The following RBFOX1 variants were observed in gnomAD, a reference collection of about 807,000 sequenced individuals.
RBFOX1 encodes the protein RNA binding fox-1 homolog 1.
A neutral mutation model predicts 57.7 loss-of-function variants in RBFOX1; 8 were observed. The ratio of observed to expected loss-of-function variants is 0.14; its 90% CI spans 0.08 to 0.25. The LOEUF is 0.25. Among genes scored for constraint, RBFOX1 ranks in the 10% least tolerant of loss-of-function variants. RBFOX1 has a pLI of 1.00. For synonymous variants in RBFOX1, 326 were observed against 222.4 expected (o/e 1.47, Z -4.15); for missense variants, 611 against 548.5 (o/e 1.11, Z -1.14).
chr16:7,187,602 T>C (rs1017239511), intron 4 of RBFOX1, among the ~76,000 whole-genome samples: 14 of 141,624 alleles, frequency 9.9e-5, no homozygotes, highest in African/African-American at 3.7e-4. Context: ...GGCAGGAGAA[T>C]GGTGTGAACC....
At chr16:7,411,327 C>A (rs2098422861) in intron 4 of RBFOX1, among the ~76,000 whole-genome samples, 2 of 152,110 alleles carry the variant, frequency 1.3e-5, no homozygotes, top group South Asian at 4.1e-4. Flanking sequence ...TCATCCTCCT[C>A]AGTTTAGCCA....
intron 1 of RBFOX1, among the ~76,000 whole-genome samples, chr16:6,039,284 T>C (rs979897473): frequency 6.5e-4 from 98 of 150,154 alleles, no homozygotes; most frequent in African/African-American, 2.3e-3. Context: ...CTTAGATGAA[T>C]TGCAGTTGGA....
intron 1 of RBFOX1, among the ~76,000 whole-genome samples, chr16:6,067,935 G>C (rs2095788204): frequency 6.6e-6 from 1 of 152,148 alleles, no homozygotes; most frequent in African/African-American, 2.4e-5. Context: ...CCAATAACTT[G>C]AACAGTATCC....
chr16:7,343,019 G>C (rs770973702), intron 4 of RBFOX1, among the ~76,000 whole-genome samples: 12 of 152,158 alleles, frequency 7.9e-5, no homozygotes, highest in Non-Finnish European at 1.8e-4. Context: ...TGGGTTGCAG[G>C]ACGGGGAGGG....
chr16:5,462,005 A>T lies in RBFOX1; in HGVS notation c.220-5211A>T, dbSNP rs1185254058. On this transcript the variant is annotated intron_variant, in intron 1 of 2. Transcript: ENST00000585867. ...CCTGGTTGCCCACCAGAAAGGTGGCACCAATTTCCACTCCCACCAGTGGTG... is the reference window on the plus strand; with the variant it reads ...CCTGGTTGCCCACCAGAAAGGTGGCTCCAATTTCCACTCCCACCAGTGGTG... Among the ~76,000 whole-genome samples, 3 of 152,158 alleles carry T rather than the reference A, an allele frequency of 2.0e-5. No individual in the cohort carries two copies. The East Asian group carries it at 5.8e-4, about 29-fold the overall frequency.
chr16:6,467,264 GCTTA>G (rs1220330835), intron 2 of RBFOX1, among the ~76,000 whole-genome samples: 1 of 151,342 alleles, frequency 6.6e-6, no homozygotes, highest in Non-Finnish European at 1.5e-5. Flanking sequence ...GTAATATAAA[GCTTA>G]CTTAATCCAT....
At chr16:6,281,373 A>G (rs1350005524) in intron 1 of RBFOX1, among the ~76,000 whole-genome samples, 2 of 152,134 alleles carry the variant, frequency 1.3e-5, no homozygotes, top group African/African-American at 4.8e-5. Flanking sequence ...GCATAGAAGT[A>G]GGGGACAGCC....
intron 3 of RBFOX1, among the ~76,000 whole-genome samples, chr16:6,873,128 T>C (rs987652325): frequency 4.7e-5 from 7 of 149,710 alleles, no homozygotes; most frequent in African/African-American, 1.7e-4. Flanking sequence ...TTTCTATGCA[T>C]TGGAAAAAAA....
chr16:6,241,018 G>A lies in RBFOX1; in HGVS notation c.-126-75977G>A, dbSNP rs13336322. On this transcript the variant is annotated intron_variant, in intron 1 of 15. Coordinates refer to ENST00000550418, the MANE Select transcript of RBFOX1 (RefSeq NM_018723.4). The stretch of plus-strand genomic sequence containing the variant: ...GACCACCTCCTCTGATCAATACTTC[G>A]CATTCATAATAAGGTGTATTGATGT... Among the ~76,000 whole-genome samples the A allele has an allele frequency of 4.1e-4, 62 of 151,942 alleles. No homozygotes were observed. In the East Asian group the frequency reaches 6.4e-3, roughly 16 times the overall value.
At chr16:5,689,817 G>T (rs202089055) in intron 3 of RBFOX1, among the ~76,000 whole-genome samples, 1 of 140,340 alleles carries the variant, frequency 7.1e-6, no homozygotes, top group East Asian at 2.2e-4. Context: ...AAAAAAAAAA[G>T]AAGGAACACA....
At chr16:6,590,435 T>C (rs957890457) in intron 2 of RBFOX1, among the ~76,000 whole-genome samples, 2 of 152,188 alleles carry the variant, frequency 1.3e-5, no homozygotes, top group African/African-American at 4.8e-5. Flanking sequence ...GTAGGTGGTA[T>C]AGAATTCCAT....
intron 2 of RBFOX1, among the ~76,000 whole-genome samples, chr16:6,572,981 C>T (rs1228409940): frequency 6.6e-6 from 1 of 152,166 alleles, no homozygotes; most frequent in African/African-American, 2.4e-5. Context: ...CCCTCGGGGA[C>T]CTTGAACTCA....
At chr16:7,214,735 C>G (rs1389672373) in intron 4 of RBFOX1, among the ~76,000 whole-genome samples, 5 of 152,092 alleles carry the variant, frequency 3.3e-5, no homozygotes, top group East Asian at 1.9e-4. Flanking sequence ...TTTTTGCTCT[C>G]CAGCCTAATT....
intron 3 of RBFOX1, among the ~76,000 whole-genome samples, chr16:6,977,354 T>G (rs1045159707): frequency 9.2e-5 from 14 of 152,100 alleles, no homozygotes; most frequent in African/African-American, 2.9e-4. Context: ...AAATTAGGAA[T>G]GCCTTTGTTC....
At chr16:7,027,929 A>C (rs1003548545) in intron 3 of RBFOX1, among the ~76,000 whole-genome samples, 6 of 151,696 alleles carry the variant, frequency 4.0e-5, no homozygotes, top group African/African-American at 1.5e-4. Context: ...GGAAAAGAGA[A>C]GGAAGGAGGG....
chr16:6,642,579 C>G (rs926606272), intron 2 of RBFOX1, among the ~76,000 whole-genome samples: 1 of 151,846 alleles, frequency 6.6e-6, no homozygotes, highest in Non-Finnish European at 1.5e-5. Context: ...GCCTCTTGTC[C>G]TCTCATAACC....
At chr16:5,389,742 G>A (rs1387889866) in intron 1 of RBFOX1, among the ~76,000 whole-genome samples, 1 of 151,510 alleles carries the variant, frequency 6.6e-6, no homozygotes, top group African/African-American at 2.4e-5. Context: ...CTGTTGCCCA[G>A]GCTGGAGTGC....
intron 7 of RBFOX1, among the ~76,000 whole-genome samples, chr16:7,592,571 T>C (rs374630814): frequency 6.6e-6 from 1 of 152,320 alleles, no homozygotes; most frequent in African/African-American, 2.4e-5. Flanking sequence ...AGTGGGGCTA[T>C]GGATTTTCTT....
intron 4 of RBFOX1, among the ~76,000 whole-genome samples, chr16:7,104,074 C>G (rs981104765): frequency 6.6e-6 from 1 of 152,090 alleles, no homozygotes; most frequent in African/African-American, 2.4e-5. Flanking sequence ...TAAAAGCAAT[C>G]CTGCAATCCC....
Sources: allele counts gnomAD v4.1 joint callset (sites outside exome capture counted in the v4.1 genomes callset), GRCh38; gene constraint gnomAD v4.1.1; transcripts MANE v1.5; gene names NCBI Gene and HGNC (gene_info 2026-07-23, HGNC 2026-07-21).